Variants in SOX5 observed in about 807,000 individuals in gnomAD.
SOX5 encodes the protein transcription factor SOX-5.
A neutral mutation model predicts 92.0 loss-of-function variants in SOX5; 9 were observed. The ratio of observed to expected loss-of-function variants is 0.10; its 90% confidence interval spans 0.06 to 0.17. The LOEUF is 0.17. SOX5 is among the 10% of genes least tolerant of loss of function. The probability of loss-of-function intolerance (pLI) is 1.00; values close to 1 mark genes in which losing one functional copy is unlikely to be tolerated. For missense variants in SOX5, 642 were observed against 944.5 expected (o/e 0.68, Z 4.20); for synonymous variants, 344 against 336.3 (o/e 1.02, Z -0.25).
intron 4 of SOX5, among the ~76,000 whole-genome samples, chr12:24,095,477 A>G (rs556217667): frequency 6.7e-6 from 1 of 149,734 alleles, no homozygotes; most frequent in African/African-American, 2.5e-5. Context: ...TTATTCTCAA[A>G]CTTGAACACA....
intron 4 of SOX5, among the ~76,000 whole-genome samples, chr12:24,042,677 T>G (rs1956637346): frequency 1.3e-5 from 2 of 152,122 alleles, no homozygotes; most frequent in African/African-American, 4.8e-5. Context: ...AAAAATTACT[T>G]CCTTTTAACT....
chr12:23,676,632 G>A (rs2139698377), intron 6 of SOX5, among the ~76,000 whole-genome samples: 1 of 152,334 alleles, frequency 6.6e-6, no homozygotes, highest in East Asian at 1.9e-4. Context: ...AAGTTTCAAT[G>A]TGGAATCCAC....
At chr12:24,318,055 A>G (rs1180207432) in intron 2 of SOX5, among the ~76,000 whole-genome samples, 1 of 152,078 alleles carries the variant, frequency 6.6e-6, no homozygotes, top group African/African-American at 2.4e-5. Context: ...TACTAAAAAT[A>G]CAAAAATTAG....
chr12:24,012,099 C>T (rs1199285049), intron 4 of SOX5, among the ~76,000 whole-genome samples: 1 of 145,940 alleles, frequency 6.9e-6, no homozygotes, highest in East Asian at 2.1e-4. Context: ...CAAAAACTTA[C>T]AAAATTTCAT....
At chr12:24,147,704 G>A (rs1283593123) in intron 4 of SOX5, among the ~76,000 whole-genome samples, 1 of 152,192 alleles carries the variant, frequency 6.6e-6, no homozygotes, top group Admixed American at 6.5e-5. Context: ...GAGCTAATGA[G>A]TTTAGAGGGC....
chr12:24,441,040 T>C (rs1940477046), intron 1 of SOX5, among the ~76,000 whole-genome samples: 1 of 152,224 alleles, frequency 6.6e-6, no homozygotes, highest in Admixed American at 6.5e-5. Flanking sequence ...GCAGGAATTC[T>C]TATTGTAGGA....
intron 4 of SOX5, among the ~76,000 whole-genome samples, chr12:24,026,457 T>C (rs922818879): frequency 1.3e-5 from 2 of 151,644 alleles, no homozygotes; most frequent in Non-Finnish European, 2.9e-5. Context: ...TGGCTATGAA[T>C]GTTAAATTGT....
intron 4 of SOX5, among the ~76,000 whole-genome samples, chr12:24,120,871 CTT>C (rs1002730543): frequency 2.0e-5 from 3 of 152,158 alleles, no homozygotes; most frequent in African/African-American, 7.2e-5. Flanking sequence ...AGACTTCTGA[CTT>C]TTCTTGGAAA....
At chr12:24,186,198 T>C (rs1955999507) in intron 4 of SOX5, among the ~76,000 whole-genome samples, 1 of 152,002 alleles carries the variant, frequency 6.6e-6, no homozygotes, top group Non-Finnish European at 1.5e-5. Flanking sequence ...AAAACAACAC[T>C]GGAAGGACAT....
intron 14 of SOX5, among the ~76,000 whole-genome samples, chr12:23,535,782 A>G (rs1940273593): frequency 6.6e-6 from 1 of 152,212 alleles, no homozygotes; most frequent in Non-Finnish European, 1.5e-5. Context: ...AAGCTCTTAG[A>G]AACTAACTTC....
intron 4 of SOX5, among the ~76,000 whole-genome samples, chr12:24,105,469 G>A (rs995755233): frequency 1.3e-5 from 2 of 151,968 alleles, no homozygotes; most frequent in Non-Finnish European, 2.9e-5. Flanking sequence ...TGAACTGGGT[G>A]GGTGGAGGTT....
At chr12:24,170,065 G>T (rs1593862852) in intron 4 of SOX5, among the ~76,000 whole-genome samples, 1 of 152,102 alleles carries the variant, frequency 6.6e-6, no homozygotes, top group South Asian at 2.1e-4. Context: ...AGTACAGCAG[G>T]TTTCATAGCT....
At chr12:24,133,654 G>A (rs1222946125) in intron 4 of SOX5, among the ~76,000 whole-genome samples, 1 of 152,072 alleles carries the variant, frequency 6.6e-6, no homozygotes, top group African/African-American at 2.4e-5. Flanking sequence ...AAGAGCACAA[G>A]AACAAAAACT....
chr12:24,486,381 C>A (rs1050444240), intron 1 of SOX5, among the ~76,000 whole-genome samples: 74 of 152,284 alleles, frequency 4.9e-4, no homozygotes, highest in African/African-American at 1.7e-3. Context: ...TGGAGTACGT[C>A]CAGGAAGGGC....
chr12:24,327,862 A>AT (rs143088874), intron 2 of SOX5, among the ~76,000 whole-genome samples: 5,437 of 146,966 alleles, frequency 0.037, 151 homozygotes, highest in African/African-American at 0.081. Flanking sequence ...ATAATTTCGT[A>AT]TTTTTTTTTT....
At chr12:24,153,799 G>A (rs911693010) in intron 4 of SOX5, among the ~76,000 whole-genome samples, 4 of 152,048 alleles carry the variant, frequency 2.6e-5, no homozygotes, top group Admixed American at 6.6e-5. Context: ...AAAGTACAAC[G>A]AATTTTATCA....
chr12:23,696,305 G>C (rs2089850349), intron 6 of SOX5, among the ~76,000 whole-genome samples: 2 of 152,042 alleles, frequency 1.3e-5, no homozygotes, highest in South Asian at 4.1e-4. Flanking sequence ...TTCTTTAGTA[G>C]TGTAGAGGTA....
At chr12:24,065,946 A>C (rs1033945097) in intron 4 of SOX5, among the ~76,000 whole-genome samples, 4 of 152,154 alleles carry the variant, frequency 2.6e-5, no homozygotes, top group African/African-American at 9.7e-5. Context: ...ATTTACCACT[A>C]AGGAGCTTTA....
At chr12:24,489,850 G>C (rs1390617165) in intron 1 of SOX5, among the ~76,000 whole-genome samples, 8 of 152,266 alleles carry the variant, frequency 5.3e-5, no homozygotes, top group Middle Eastern at 3.4e-3. Context: ...ACATCAGCTG[G>C]GGCTGACTTT....
Sources: allele counts gnomAD v4.1 joint callset (sites outside exome capture counted in the v4.1 genomes callset), GRCh38; gene constraint gnomAD v4.1.1; transcripts MANE v1.5; gene names NCBI Gene and HGNC (gene_info 2026-07-23, HGNC 2026-07-21).